RAB40B: variants seen among roughly 807,000 people sequenced by gnomAD.
RAB40B encodes the protein ras-related protein Rab-40B.
In RAB40B, 21 loss-of-function variants were observed where a neutral mutation model predicts 24.0. The ratio of observed to expected loss-of-function variants is 0.88; its 90% confidence interval spans 0.62 to 1.26. The LOEUF is 1.26. RAB40B is among the 50% of genes most tolerant of loss of function. The pLI is 0.00. For missense variants in RAB40B, 348 were observed against 390.5 expected, an observed-to-expected ratio of 0.89 and a Z score of 0.92; for synonymous variants, 167 against 169.8, an observed-to-expected ratio of 0.98 and a Z score of 0.13.
chr17:82,663,375 G>A lies in RAB40B; in HGVS notation c.203+1121C>T, dbSNP rs1598296567. Among the ~76,000 whole-genome samples the A allele has an allele frequency of 6.6e-6, 1 of 152,130 alleles. No individual in the cohort carries two copies. Among genetic ancestry groups the A allele is most frequent in the Admixed American group, 6.5e-5 (1 of 15,292 alleles). ...TCACCCAGGAGTGGCAGCAGTGCAG[G>A]AGGGATGCCCAAGAGGGAGGCAGCC... On this transcript the variant is annotated intron_variant, in intron 2 of 5. Coordinates refer to ENST00000571995, the MANE Select transcript of RAB40B (RefSeq NM_006822.3). The surrounding 1 kb of genome is among the most constrained non-coding windows in gnomAD (Gnocchi z 6.2).
At chr17:82,690,984 G>A (rs1346816617) in intron 1 of RAB40B, among the ~76,000 whole-genome samples, 1 of 152,192 alleles carries the variant, frequency 6.6e-6, no homozygotes, top group Non-Finnish European at 1.5e-5. Context: ...TTTCCATAAC[G>A]GAGGCTCTGA....
At chr17:82,686,403 C>T (rs139391141) in intron 1 of RAB40B, among the ~76,000 whole-genome samples, 2,614 of 152,316 alleles carry the variant, frequency 0.017, 62 homozygotes, top group African/African-American at 0.058. Flanking sequence ...TGAGCCACCG[C>T]GCCCGGCCAA....
At chr17:82,665,726 G>A (rs1053425555) in intron 1 of RAB40B, among the ~76,000 whole-genome samples, 15 of 151,990 alleles carry the variant, frequency 9.9e-5, no homozygotes, top group Non-Finnish European at 8.8e-5. Flanking sequence ...AATTAGCCGG[G>A]TGTGGTGGCG....
intron 5 of RAB40B, 60 bp from the exon 6 acceptor site, chr17:82,658,194 G>T: frequency 6.4e-7 from 1 of 1,571,210 alleles, no homozygotes; most frequent in Non-Finnish European, 8.6e-7. Context: ...TGGGAATGAG[G>T]GGTGGTGCCC....
At chr17:82,688,148 C>T (rs112231588) in intron 1 of RAB40B, among the ~76,000 whole-genome samples, 3,806 of 152,140 alleles carry the variant, frequency 0.025, 179 homozygotes, top group African/African-American at 0.087. Flanking sequence ...CTCTGCCAGC[C>T]GGGGCCCAAA....
Position 82,658,091 on chromosome 17 carries a change from G to A in RAB40B, c.609C>T (p.Cys203=). The change falls in exon 6 of 6, where the codon TGC becomes TGT. Residue 203 remains cysteine, a synonymous_variant. Coordinates refer to ENST00000571995, the MANE Select transcript of RAB40B (RefSeq NM_006822.3). The stretch of plus-strand genomic sequence containing the variant: ...GCTTGTCCACCAGGTGCACCGGCGT[G>A]CAGGACACGACCGCCCGGCAGCAGA... ...QDLCCRAVVS[C]TPVHLVDKLP... is the part of the protein sequence containing the mutation. The A allele has an allele frequency of 1.2e-6, 2 of 1,614,214 alleles. No individual in the cohort carries two copies. The highest frequency in any genetic ancestry group is 1.3e-5 in the African/African-American group (1 of 75,068).
In RAB40B at chr17:82,692,332, C is replaced by G. The variant is rs2046566772; in HGVS notation, c.142+6123G>C. ...ATCCAAGAACTCTGCCCTGCAACTACAGACCGAGAGGAAGACAAACGCCCA... is the reference window on the plus strand; with the variant it reads ...ATCCAAGAACTCTGCCCTGCAACTAGAGACCGAGAGGAAGACAAACGCCCA... On this transcript the variant is annotated intron_variant, in intron 1 of 5. Coordinates refer to ENST00000571995, the MANE Select transcript of RAB40B (RefSeq NM_006822.3). This position sits in a 1 kb window ranked among gnomAD's most constrained non-coding sequence, Gnocchi z 4.0. Among the ~76,000 whole-genome samples the G allele has an allele frequency of 6.6e-6, 1 of 152,202 alleles. No homozygotes were observed. The highest frequency in any genetic ancestry group is 6.5e-5 in the Admixed American group (1 of 15,280).
rs2046164812 is a variant in RAB40B at position 82,660,987 on chromosome 17, C to T, written c.264G>A (p.Gln88=). 6.2e-7 allele frequency: 1 copy of T among 1,613,854 alleles called. No homozygotes were observed. The highest frequency in any genetic ancestry group is 1.3e-5 in the African/African-American group (1 of 74,938). ...TIFRSYSRGA[Q]GVILVYDIAN... is the part of the protein sequence containing the mutation. Reference sequence around the variant, plus strand: ...CCCAGCTCGGGGGATGCTGTGTTACCTGTGCGCCCCGGGAGTAGGAGCGGA... The same window carrying T: ...CCCAGCTCGGGGGATGCTGTGTTACTTGTGCGCCCCGGGAGTAGGAGCGGA... The change falls in exon 3 of 6, where the codon CAG becomes CAA. Residue 88 remains glutamine, a splice_region_variant and synonymous_variant. Coordinates refer to ENST00000571995, the MANE Select transcript of RAB40B (RefSeq NM_006822.3).
rs2046209021 is a variant in RAB40B at position 82,663,905 on chromosome 17, A to G, written c.203+591T>C. ...CCTACTCTGGATGACGGGGGCCCAG[A>G]CAACCGGACCACCACCTCCTTCAGA... On this transcript the variant is annotated intron_variant, in intron 2 of 5. Coordinates refer to ENST00000571995, the MANE Select transcript of RAB40B (RefSeq NM_006822.3). The surrounding 1 kb of genome is among the most constrained non-coding windows in gnomAD (Gnocchi z 6.2). 6.6e-6 allele frequency among the ~76,000 whole-genome samples: 1 copy of G among 152,144 alleles called. No homozygotes were observed. Among genetic ancestry groups the G allele is most frequent in the Non-Finnish European group, 1.5e-5 (1 of 68,016 alleles).
In RAB40B at chr17:82,655,119, C is replaced by G. The variant is rs1437783216; in HGVS notation, c.*2744G>C. 1 of 152,104 alleles carries G rather than the reference C, an allele frequency of 6.6e-6. No homozygotes were observed. The highest frequency in any genetic ancestry group is 1.5e-5 in the Non-Finnish European group (1 of 68,038). The allele number at this position is 152,104 out of a possible 1,614,324, so 9.4% of individuals were successfully genotyped here. ...TTCTGCCGTGAGCGTAACTCACTTC[C>G]TTGTAGGAGTTTCCTGAGGCTGCCG... On this transcript the variant is annotated 3_prime_UTR_variant, in exon 6 of 6. Transcript: ENST00000571995.
At chr17:82,684,551 G>A (rs1482907172) in intron 1 of RAB40B, among the ~76,000 whole-genome samples, 1 of 152,180 alleles carries the variant, frequency 6.6e-6, no homozygotes, top group Non-Finnish European at 1.5e-5. Flanking sequence ...CTCAGAGGGT[G>A]GGTGGGTGAT....
chr17:82,698,103 G>A (rs2046630493), intron 1 of RAB40B, among the ~76,000 whole-genome samples: 1 of 151,966 alleles, frequency 6.6e-6, no homozygotes, highest in Non-Finnish European at 1.5e-5. Context: ...GCCCCAGGTC[G>A]GGAGGAGCCC....
intron 2 of RAB40B, chr17:82,662,249 A>C: frequency 1.0e-6 from 1 of 985,476 alleles, no homozygotes; most frequent in Non-Finnish European, 1.2e-6. Context: ...CCTGAGAAGC[A>C]AATTGATCTA....
Position 82,658,641 on chromosome 17 carries a change from C to T in RAB40B, c.415G>A (p.Glu139Lys). Residue 139 changes from glutamate to lysine, a missense_variant, in exon 5 of 6, where the codon GAG (glutamate) becomes AAG (lysine). Transcript: ENST00000571995. Reference sequence around the variant, plus strand: ...CGCTCGGCGTAGGCCTGGGCCTGCTCCGTGGGCACCTGCCGCTTGAACGCC... The same window carrying T: ...CGCTCGGCGTAGGCCTGGGCCTGCTTCGTGGGCACCTGCCGCTTGAACGCC... ...HLAFKRQVPTEQAQAYAERLG... is the reference protein window; with the variant it reads ...HLAFKRQVPTKQAQAYAERLG... 2.5e-6 allele frequency: 4 copies of T among 1,613,194 alleles called. No individual in the cohort carries two copies. The highest frequency in any genetic ancestry group is 3.4e-6 in the Non-Finnish European group (4 of 1,179,964).
At chr17:82,674,475 CA>C (rs372664626) in intron 1 of RAB40B, among the ~76,000 whole-genome samples, 110,994 of 142,232 alleles carry the variant, frequency 0.78, 42,988 homozygotes, top group East Asian at 0.87. Context: ...AGTAAAAATA[CA>C]AAAAAAAAAA....
chr17:82,660,881 A>C, intron 3 of RAB40B, 106 bp downstream of exon 3: 47 of 1,402,302 alleles, frequency 3.4e-5, no homozygotes, highest in Non-Finnish European at 4.0e-5. Context: ...ACGTAAGCTT[A>C]ACCGCCTTGT....
Position 82,664,576 on chromosome 17 carries a change from G to A in RAB40B, c.143-20C>T, listed in dbSNP as rs183904404. 2.4e-5 allele frequency: 38 copies of A among 1,611,722 alleles called. No individual in the cohort carries two copies. The African/African-American group carries it at 2.4e-4, about 10-fold the overall frequency. On this transcript the variant is annotated intron_variant, in intron 1 of 5. Transcript: ENST00000571995. ...CGATGCCTGCGGAAGGGTTAGAGAC[G>A]GCTTAGGCCTGAGGCTGCAGCTAAC...
chr17:82,673,120 C>A (rs1442515679), intron 1 of RAB40B, among the ~76,000 whole-genome samples: 1 of 152,124 alleles, frequency 6.6e-6, no homozygotes, highest in African/African-American at 2.4e-5. Flanking sequence ...AGGAGAATCG[C>A]TTGAACCCGG....
chr17:82,674,633 G>C (rs9896615), intron 1 of RAB40B, among the ~76,000 whole-genome samples: 106,651 of 145,842 alleles, frequency 0.73, 39,519 homozygotes, highest in East Asian at 0.85. Flanking sequence ...AGCAAGACTC[G>C]TCTTAAAAAA....
Sources: allele counts gnomAD v4.1 joint callset (sites outside exome capture counted in the v4.1 genomes callset), GRCh38; gene constraint gnomAD v4.1.1; non-coding constraint Gnocchi (gnomAD v3.1); transcripts MANE v1.5; gene names NCBI Gene and HGNC (gene_info 2026-07-23, HGNC 2026-07-21).